The following DDB2 variants were observed in gnomAD, a reference collection of about 807,000 sequenced individuals.
DDB2 encodes the protein damage specific DNA binding protein 2, also known as DNA damage-binding protein 2.
DDB2 carries 27 observed loss-of-function variants against 50.5 expected under a neutral mutation model. The observed-to-expected ratio is 0.53, with a 90% CI of 0.39 to 0.74. DDB2 has a LOEUF of 0.74. Among genes scored for constraint, DDB2 ranks in the 30% least tolerant of loss-of-function variants. DDB2 has a pLI of 0.00. For missense variants in DDB2, 424 were observed against 545.6 expected (o/e 0.78, Z 2.22); for synonymous variants, 176 against 205.5 (o/e 0.86, Z 1.23).
intron 7 of DDB2, among the ~76,000 whole-genome samples, chr11:47,236,893 T>C (rs1287343651): frequency 6.6e-6 from 1 of 152,230 alleles, no homozygotes; most frequent in Non-Finnish European, 1.5e-5. Context: ...CTGTGTGTGA[T>C]TTGTGACTTA....
chr11:47,236,709 G>A (rs1953730437), intron 7 of DDB2, among the ~76,000 whole-genome samples: 1 of 152,210 alleles, frequency 6.6e-6, no homozygotes, highest in Admixed American at 6.5e-5. Context: ...AATAAATGAT[G>A]ATTGAATATT....
At chr11:47,223,643 G>C (rs563104967) in intron 3 of DDB2, among the ~76,000 whole-genome samples, 3 of 152,042 alleles carry the variant, frequency 2.0e-5, no homozygotes, top group South Asian at 4.1e-4. Context: ...TTAGCCAGGC[G>C]TGGTGGTGGG....
intron 5 of DDB2, 41 bp downstream of exon 5, chr11:47,234,713 AC>A (rs35431351): frequency 6.2e-7 from 1 of 1,613,536 alleles, no homozygotes; most frequent in Non-Finnish European, 8.5e-7. Context: ...CCTCACCCCC[AC>A]CTCGGTTCTG....
chr11:47,215,917 CT>C (rs1345129697), intron 1 of DDB2: 3 of 320,252 alleles, frequency 9.4e-6, no homozygotes, highest in Non-Finnish European at 1.8e-5. Flanking sequence ...CCTATTCCTT[CT>C]TTTCCTAAAC....
intron 7 of DDB2, among the ~76,000 whole-genome samples, chr11:47,236,621 G>A (rs980018454): frequency 3.9e-5 from 6 of 152,250 alleles, no homozygotes; most frequent in African/African-American, 1.2e-4. Context: ...TAACTGATAG[G>A]GTTGTTGTGA....
chr11:47,230,847 G>A lies in DDB2; in HGVS notation c.457-1967G>A, dbSNP rs150980458. On this transcript the variant is annotated intron_variant, in intron 3 of 9. Coordinates refer to ENST00000256996, the MANE Select transcript of DDB2 (RefSeq NM_000107.3). ...TTCTTAAAACAGTGCCTGACTGGGC[G>A]CAGTGGCTCACGCCTGTAATCCCAG... is the stretch of plus-strand genomic sequence containing the variant. Among the ~76,000 whole-genome samples, 12 of 152,228 alleles carry A rather than the reference G, an allele frequency of 7.9e-5. 1 individual carries two copies. In the South Asian group the frequency reaches 2.5e-3, roughly 32 times the overall value.
intron 3 of DDB2, chr11:47,220,380 G>T (rs1473299810): frequency 3.3e-5 from 5 of 152,200 alleles, no homozygotes; most frequent in Non-Finnish European, 7.3e-5. Flanking sequence ...CTAGGACATG[G>T]GAATAGAGGA....
chr11:47,219,441 G>T (rs1565151191), intron 3 of DDB2, among the ~76,000 whole-genome samples: 1 of 150,988 alleles, frequency 6.6e-6, no homozygotes, highest in African/African-American at 2.4e-5. Flanking sequence ...GCTCACTGCA[G>T]CCTCCACCTT....
At chr11:47,232,736 C>CCTGG (rs1565155710) in intron 3 of DDB2, 78 bp from the exon 4 acceptor site, 2 of 1,538,828 alleles carry the variant, frequency 1.3e-6, no homozygotes, top group African/African-American at 2.7e-5. Context: ...TCTGTGACGG[C>CCTGG]GCAGCATGTG....
chr11:47,216,901 T>C lies in DDB2; in HGVS notation c.308T>C (p.Ile103Thr). ...TTGCACACTCTGGATTCTTACCGGA[T>C]ATTACAAAAGGCTGCCCCCTTTGAC... The part of the protein sequence containing the change: ...SFLHTLDSYR[I>T]LQKAAPFDRR... The change falls in exon 3 of 10, where the codon ATA becomes ACA. Residue 103 changes from isoleucine (I) to threonine (T), a missense_variant. By Grantham distance (89) the Ile-to-Thr change is moderately conservative. Coordinates refer to ENST00000256996, the MANE Select transcript of DDB2 (RefSeq NM_000107.3). 1 of 1,614,110 alleles carries C rather than the reference T, an allele frequency of 6.2e-7. No homozygotes were observed. Among genetic ancestry groups the C allele is most frequent in the Non-Finnish European group, 8.5e-7 (1 of 1,180,018 alleles).
intron 3 of DDB2, among the ~76,000 whole-genome samples, chr11:47,226,280 T>C (rs1953556433): frequency 7.0e-6 from 1 of 143,720 alleles, no homozygotes. Context: ...TTTATTTTCT[T>C]TTTTTTTTTT....
rs533299565 is a variant in DDB2, at chr11:47,226,376, A to G, written c.457-6438A>G. ...CTGCAACCTCTGCCTCCTGAGTTCA[A>G]CTGATTCTCCTGGCTCAGCCTCCAG... On this transcript the variant is annotated intron_variant, in intron 3 of 9. Transcript: ENST00000256996. 4.0e-5 allele frequency among the ~76,000 whole-genome samples: 6 copies of G among 151,530 alleles called. No individual in the cohort carries two copies. In the East Asian group the frequency reaches 1.2e-3, roughly 29 times the overall value.
intron 3 of DDB2, chr11:47,229,762 T>C: frequency 2.4e-6 from 1 of 414,650 alleles, no homozygotes; most frequent in South Asian, 1.8e-5. Context: ...CTTTTACATT[T>C]TTATTACCTT....
At chr11:47,229,664 G>A (rs541621663) in intron 3 of DDB2, 122 of 289,742 alleles carry the variant, frequency 4.2e-4, no homozygotes, top group Non-Finnish European at 7.4e-4. Flanking sequence ...ACTCTGTGGT[G>A]TTGACTTTGA....
chr11:47,236,689 G>T (rs938319070), intron 7 of DDB2, among the ~76,000 whole-genome samples: 10 of 152,228 alleles, frequency 6.6e-5, no homozygotes, highest in Admixed American at 6.5e-4. Context: ...GTAAGTACTG[G>T]TAAGTATTCA....
intron 3 of DDB2, among the ~76,000 whole-genome samples, chr11:47,224,436 G>A (rs1489473388): frequency 7.2e-5 from 11 of 151,944 alleles, no homozygotes; most frequent in Admixed American, 7.2e-4. Context: ...TTTTAGTAGA[G>A]ACAGGGTTTC....
At chr11:47,220,363 C>T (rs1365329069) in intron 3 of DDB2, 1 of 152,164 alleles carries the variant, frequency 6.6e-6, no homozygotes, top group Non-Finnish European at 1.5e-5. Flanking sequence ...TTGTTTTCTC[C>T]AGGAGTCTAG....
chr11:47,232,677 G>C, intron 3 of DDB2, 137 bp from the exon 4 acceptor site: 2 of 854,388 alleles, frequency 2.3e-6, no homozygotes, highest in East Asian at 2.4e-5. Context: ...TGTAGAGAGC[G>C]TCCTAGTGTC....
intron 3 of DDB2, among the ~76,000 whole-genome samples, chr11:47,227,090 G>C (rs1369679550): frequency 8.8e-6 from 1 of 113,892 alleles, no homozygotes; most frequent in African/African-American, 3.3e-5. Context: ...ATATATTCTG[G>C]ATATTAACCT....
Sources: gnomAD v4.1 joint callset for allele counts (sites outside exome capture counted in the v4.1 genomes callset) on GRCh38, gnomAD v4.1.1 for gene constraint, MANE v1.5 for transcripts, NCBI Gene and HGNC (gene_info 2026-07-23, HGNC 2026-07-21) for gene names.